CNTNAP2: variants seen among roughly 807,000 people sequenced by gnomAD.
CNTNAP2 encodes contactin-associated protein-like 2.
A neutral mutation model predicts 155.2 loss-of-function variants in CNTNAP2; 98 were observed. The ratio of observed to expected loss-of-function variants is 0.63; its 90% confidence interval spans 0.54 to 0.75. The LOEUF (loss-of-function observed/expected upper bound fraction) is 0.75, where lower values mean the gene tolerates loss of function less well. Ranked by LOEUF, CNTNAP2 falls within the 30% of genes least tolerant of loss-of-function variation. CNTNAP2 has a pLI of 0.00. For missense variants in CNTNAP2, 1,727 were observed against 1,688.1 expected, an observed-to-expected ratio of 1.02 and a Z score of -0.40; for synonymous variants, 651 against 631.2, an observed-to-expected ratio of 1.03 and a Z score of -0.47.
chr7:147,311,315 G>C (rs1254773168), intron 9 of CNTNAP2, among the ~76,000 whole-genome samples: 1 of 152,158 alleles, frequency 6.6e-6, no homozygotes, highest in Admixed American at 6.5e-5. Flanking sequence ...AGGAAAAAGA[G>C]GTTAAAGAGG....
chr7:148,087,819 T>A (rs1457343410), intron 15 of CNTNAP2, among the ~76,000 whole-genome samples: 9 of 152,242 alleles, frequency 5.9e-5, no homozygotes, highest in Non-Finnish European at 1.2e-4. Context: ...GTAAAACCAG[T>A]GCTGCTGCTT....
chr7:148,018,374 A>G (rs1186809719), intron 15 of CNTNAP2, among the ~76,000 whole-genome samples: 1 of 152,166 alleles, frequency 6.6e-6, no homozygotes, highest in Non-Finnish European at 1.5e-5. Context: ...GAATCTGGTG[A>G]TTATCTGTGC....
intron 21 of CNTNAP2, among the ~76,000 whole-genome samples, chr7:148,269,624 G>A (rs1204996028): frequency 6.6e-6 from 1 of 152,212 alleles, no homozygotes; most frequent in Non-Finnish European, 1.5e-5. Flanking sequence ...GTTTGGAAGC[G>A]AGGTCTCTCT....
rs1000170112 is a variant in CNTNAP2 at position 147,344,226 on chromosome 7, C to A, written c.1498+43936C>A. ...TCATCAAGCAGTCATGTTGTCTCAC[C>A]ATTTTCTCCCATCACCCAAAATTCT... On this transcript the variant is annotated intron_variant, in intron 9 of 23. Coordinates refer to ENST00000361727, the MANE Select transcript of CNTNAP2 (RefSeq NM_014141.6). Among the ~76,000 whole-genome samples the A allele has an allele frequency of 4.6e-5, 7 of 152,014 alleles. No individual in the cohort carries two copies. The South Asian group carries it at 1.3e-3, about 27-fold the overall frequency.
At chr7:147,219,932 C>G (rs1389778217) in intron 8 of CNTNAP2, among the ~76,000 whole-genome samples, 1 of 147,826 alleles carries the variant, frequency 6.8e-6, no homozygotes, top group Non-Finnish European at 1.5e-5. Context: ...CCCACCACCA[C>G]GCCCAGCTAA....
chr7:148,188,429 T>G (rs1795155075), intron 18 of CNTNAP2, among the ~76,000 whole-genome samples: 1 of 152,124 alleles, frequency 6.6e-6, no homozygotes, highest in Admixed American at 6.5e-5. Flanking sequence ...TTGGACAAGC[T>G]TTGAGGAGAT....
At chr7:146,525,448 G>C (rs562463456) in intron 1 of CNTNAP2, among the ~76,000 whole-genome samples, 103 of 152,186 alleles carry the variant, frequency 6.8e-4, no homozygotes, top group African/African-American at 2.4e-3. Flanking sequence ...TTGAGAAAAG[G>C]AAATGAGTGT....
At chr7:146,970,559 C>T (rs1797765337) in intron 3 of CNTNAP2, among the ~76,000 whole-genome samples, 1 of 152,124 alleles carries the variant, frequency 6.6e-6, no homozygotes, top group African/African-American at 2.4e-5. Context: ...AGTCAGGAAA[C>T]AACAGGTGCT....
At chr7:146,646,724 G>C (rs1799818531) in intron 1 of CNTNAP2, among the ~76,000 whole-genome samples, 2 of 152,162 alleles carry the variant, frequency 1.3e-5, no homozygotes, top group Admixed American at 1.3e-4. Flanking sequence ...CTAATTTTAT[G>C]GTGGAGTCTT....
intron 8 of CNTNAP2, among the ~76,000 whole-genome samples, chr7:147,224,692 A>T (rs948588539): frequency 1.3e-5 from 2 of 152,202 alleles, no homozygotes; most frequent in Non-Finnish European, 2.9e-5. Context: ...TGGGTGAAGT[A>T]TGAATGGGTG....
chr7:148,031,618 A>G (rs1322636553), intron 15 of CNTNAP2, among the ~76,000 whole-genome samples: 1 of 152,252 alleles, frequency 6.6e-6, no homozygotes, highest in South Asian at 2.1e-4. Context: ...AGCACTAAAT[A>G]GAAGTATTAA....
At chr7:146,774,482 A>G in intron 2 of CNTNAP2, 101 bp downstream of exon 2, 1 of 844,374 alleles carries the variant, frequency 1.2e-6, no homozygotes, top group South Asian at 1.5e-5. Flanking sequence ...ATGTTGGCAG[A>G]CACCAGAAAT....
chr7:146,342,598 G>A (rs1794748145), intron 1 of CNTNAP2, among the ~76,000 whole-genome samples: 1 of 152,086 alleles, frequency 6.6e-6, no homozygotes, highest in Non-Finnish European at 1.5e-5. Context: ...AAGCTTTCTA[G>A]ATATTAAAAA....
intron 1 of CNTNAP2, among the ~76,000 whole-genome samples, chr7:146,395,584 G>C (rs1388833676): frequency 6.6e-6 from 1 of 151,988 alleles, no homozygotes; most frequent in African/African-American, 2.4e-5. Flanking sequence ...GAAATGAATT[G>C]AACAAATCAT....
chr7:147,403,146 A>C (rs1281524544), intron 10 of CNTNAP2, among the ~76,000 whole-genome samples: 2 of 152,168 alleles, frequency 1.3e-5, no homozygotes, highest in South Asian at 4.1e-4. Flanking sequence ...ATCCTAACCC[A>C]GACATTCCTT....
intron 3 of CNTNAP2, among the ~76,000 whole-genome samples, chr7:147,022,109 C>G (rs1052460077): frequency 6.6e-6 from 1 of 152,016 alleles, no homozygotes; most frequent in African/African-American, 2.4e-5. Flanking sequence ...TTTGCTATTT[C>G]TTTGTTGCAG....
chr7:147,092,922 G>A (rs1332889060), intron 4 of CNTNAP2, among the ~76,000 whole-genome samples: 1 of 152,124 alleles, frequency 6.6e-6, no homozygotes, highest in Non-Finnish European at 1.5e-5. Context: ...CGTCCATGCT[G>A]TGGAAGGAAA....
At chr7:146,982,686 C>G (rs902652250) in intron 3 of CNTNAP2, among the ~76,000 whole-genome samples, 1 of 152,078 alleles carries the variant, frequency 6.6e-6, no homozygotes, top group Non-Finnish European at 1.5e-5. Context: ...GTATCTTCTG[C>G]TTGGCTTCAT....
At chr7:147,395,004 C>T (rs749005346) in intron 9 of CNTNAP2, among the ~76,000 whole-genome samples, 12 of 151,154 alleles carry the variant, frequency 7.9e-5, no homozygotes, top group Admixed American at 2.6e-4. Context: ...AGTAGGGTGG[C>T]TGACCCTTAT....
Sources: gnomAD v4.1 joint callset for allele counts (sites outside exome capture counted in the v4.1 genomes callset) on GRCh38, gnomAD v4.1.1 for gene constraint, MANE v1.5 for transcripts, NCBI Gene and HGNC (gene_info 2026-07-23, HGNC 2026-07-21) for gene names.